TAFA5: variants seen among roughly 807,000 people sequenced by gnomAD.
The protein encoded by TAFA5 is chemokine-like protein TAFA-5.
In TAFA5, 6 loss-of-function variants were observed where a neutral mutation model predicts 15.3. The ratio of observed to expected loss-of-function variants is 0.39; its 90% CI spans 0.21 to 0.77. The LOEUF (loss-of-function observed/expected upper bound fraction) is 0.77, where lower values mean the gene tolerates loss of function less well. Among genes scored for constraint, TAFA5 ranks in the 30% least tolerant of loss-of-function variants. The probability of loss-of-function intolerance (pLI) is 0.41; values close to 1 mark genes in which losing one functional copy is unlikely to be tolerated. For synonymous variants in TAFA5, 103 were observed against 80.7 expected, an observed-to-expected ratio of 1.28 and a Z score of -1.48; for missense variants, 161 against 193.1, an observed-to-expected ratio of 0.83 and a Z score of 0.98.
intron 2 of TAFA5, among the ~76,000 whole-genome samples, chr22:48,663,176 C>T (rs929360896): frequency 6.6e-6 from 1 of 152,162 alleles, no homozygotes; most frequent in Admixed American, 6.5e-5. Flanking sequence ...ATTTTAGAGC[C>T]AGGTGACTTA....
Position 48,751,849 on chromosome 22 carries a change from A to G in TAFA5, c.*2002A>G, listed in dbSNP as rs1176721608. ...ATCGGGAGATTTAAGATGTTACAGC[A>G]TATTTTTTTTTCTTGTTTTACAGTA... On this transcript the variant is annotated 3_prime_UTR_variant, in exon 4 of 4. Transcript: ENST00000402357. The G allele has an allele frequency of 1.3e-5, 2 of 152,522 alleles. No individual in the cohort carries two copies. The highest frequency in any genetic ancestry group is 4.8e-5 in the African/African-American group (2 of 41,440). 9.4% of individuals were successfully genotyped at this position (152,522 alleles called of 1,614,324 possible). A position where few individuals can be genotyped will look rare whatever the true frequency, so the allele number is the denominator to read the frequency against.
At chr22:48,538,480 G>A (rs1922248154) in intron 1 of TAFA5, among the ~76,000 whole-genome samples, 1 of 152,230 alleles carries the variant, frequency 6.6e-6, no homozygotes, top group South Asian at 2.1e-4. Context: ...AACTTCGGAG[G>A]GCAGAATGAG....
At chr22:48,501,598 G>A (rs1601836421) in intron 1 of TAFA5, among the ~76,000 whole-genome samples, 2 of 152,324 alleles carry the variant, frequency 1.3e-5, no homozygotes, top group Non-Finnish European at 2.9e-5. Flanking sequence ...CAGGTGGGAA[G>A]GGCTCGGAAG....
intron 2 of TAFA5, among the ~76,000 whole-genome samples, chr22:48,707,288 C>G (rs1021572473): frequency 1.3e-5 from 2 of 152,288 alleles, no homozygotes; most frequent in South Asian, 2.1e-4. Flanking sequence ...CCCCTTGTTC[C>G]CCTTTGGTTA....
intron 3 of TAFA5, among the ~76,000 whole-genome samples, chr22:48,748,924 G>A (rs1930403295): frequency 6.6e-6 from 1 of 152,286 alleles, no homozygotes; most frequent in East Asian, 1.9e-4. Context: ...GCAGGGCCAG[G>A]GTCCCATGAT....
intron 1 of TAFA5, among the ~76,000 whole-genome samples, chr22:48,547,790 C>T (rs1294463986): frequency 6.6e-6 from 1 of 152,214 alleles, no homozygotes; most frequent in Non-Finnish European, 1.5e-5. Flanking sequence ...GGGTGGGTCT[C>T]AGTGTCTCCG....
chr22:48,592,008 G>A (rs762918300), intron 1 of TAFA5, among the ~76,000 whole-genome samples: 3 of 152,160 alleles, frequency 2.0e-5, no homozygotes, highest in African/African-American at 4.8e-5. Context: ...CCACGGCCCC[G>A]GGGCACCTCC....
chr22:48,696,253 T>C (rs1447520912), intron 2 of TAFA5, among the ~76,000 whole-genome samples: 1 of 152,198 alleles, frequency 6.6e-6, no homozygotes, highest in Admixed American at 6.5e-5. Flanking sequence ...GCTTTGCGCA[T>C]TTCTCAGCAC....
At chr22:48,638,673 G>A (rs1926554193) in intron 1 of TAFA5, among the ~76,000 whole-genome samples, 1 of 130,550 alleles carries the variant, frequency 7.7e-6, no homozygotes, top group Non-Finnish European at 1.6e-5. Flanking sequence ...CCACACACAG[G>A]CAATACCACC....
intron 2 of TAFA5, chr22:48,693,389 G>C: frequency 6.2e-7 from 1 of 1,612,518 alleles, no homozygotes; most frequent in Non-Finnish European, 8.5e-7. Context: ...CAGGTGAGTC[G>C]GAGATCCGTG....
intron 3 of TAFA5, among the ~76,000 whole-genome samples, chr22:48,747,960 C>T (rs1025456487): frequency 1.3e-5 from 2 of 150,950 alleles, no homozygotes; most frequent in African/African-American, 2.4e-5. Flanking sequence ...CTGACCTTAA[C>T]GTCAGATGGA....
At chr22:48,519,581 C>T (rs6008751) in intron 1 of TAFA5, among the ~76,000 whole-genome samples, 3,110 of 151,706 alleles carry the variant, frequency 0.021, 127 homozygotes, top group African/African-American at 0.071. Flanking sequence ...TGCTGGGCCA[C>T]GAGAGAGGGA....
intron 1 of TAFA5, among the ~76,000 whole-genome samples, chr22:48,584,024 C>CA (rs1924220424): frequency 6.9e-6 from 1 of 145,102 alleles, no homozygotes; most frequent in African/African-American, 2.6e-5. Context: ...ACACCACACG[C>CA]CACACACCAC....
intron 1 of TAFA5, among the ~76,000 whole-genome samples, chr22:48,630,664 C>T (rs1396789876): frequency 6.6e-6 from 1 of 152,168 alleles, no homozygotes; most frequent in Non-Finnish European, 1.5e-5. Flanking sequence ...ATGACAGCGT[C>T]CACGTCTTCA....
At chr22:48,642,566 G>A (rs1439357606) in intron 1 of TAFA5, among the ~76,000 whole-genome samples, 2 of 152,214 alleles carry the variant, frequency 1.3e-5, no homozygotes, top group African/African-American at 4.8e-5. Context: ...CCTGCAGCCT[G>A]GAGACCAGGC....
At chr22:48,522,189 A>G (rs1569166654) in intron 1 of TAFA5, among the ~76,000 whole-genome samples, 1 of 150,886 alleles carries the variant, frequency 6.6e-6, no homozygotes, top group Non-Finnish European at 1.5e-5. Flanking sequence ...GCTGTCCAAG[A>G]CTGGAACCTC....
chr22:48,520,015 C>T (rs73888425), intron 1 of TAFA5, among the ~76,000 whole-genome samples: 1,846 of 152,324 alleles, frequency 0.012, 37 homozygotes, highest in African/African-American at 0.043. Flanking sequence ...ATCCAGTGCC[C>T]GGTGTCCTTA....
chr22:48,571,913 C>G (rs1923606232), intron 1 of TAFA5, among the ~76,000 whole-genome samples: 1 of 152,060 alleles, frequency 6.6e-6, no homozygotes, highest in Non-Finnish European at 1.5e-5. Context: ...TCATTCATTC[C>G]CATTTTACCA....
intron 3 of TAFA5, among the ~76,000 whole-genome samples, chr22:48,713,551 G>A (rs938199354): frequency 2.0e-5 from 3 of 152,224 alleles, no homozygotes; most frequent in Non-Finnish European, 2.9e-5. Flanking sequence ...ACTCACCACC[G>A]ATGGATGATT....
Sources: allele counts gnomAD v4.1 joint callset (sites outside exome capture counted in the v4.1 genomes callset), GRCh38; gene constraint gnomAD v4.1.1; transcripts MANE v1.5; gene names NCBI Gene and HGNC (gene_info 2026-07-23, HGNC 2026-07-21).